The following PDZRN4 variants were observed in gnomAD, a reference collection of about 807,000 sequenced individuals.
PDZRN4 encodes the protein PDZ domain-containing RING finger protein 4.
Under a neutral mutation model 99.0 loss-of-function variants are expected in PDZRN4, and 70 were observed. That is an observed-to-expected ratio of 0.71 (90% CI 0.58 to 0.86). The LOEUF (loss-of-function observed/expected upper bound fraction) is 0.86, where lower values mean the gene tolerates loss of function less well. PDZRN4 is among the 40% of genes least tolerant of loss of function. The pLI is 0.00. For synonymous variants in PDZRN4, 551 were observed against 501.6 expected, an observed-to-expected ratio of 1.10 and a Z score of -1.32; for missense variants, 1,474 against 1,331.2, an observed-to-expected ratio of 1.11 and a Z score of -1.67.
intron 3 of PDZRN4, among the ~76,000 whole-genome samples, chr12:41,201,243 G>A (rs1429713043): frequency 6.8e-6 from 1 of 147,452 alleles, no homozygotes; most frequent in African/African-American, 2.5e-5. Context: ...GCTTTTATTT[G>A]TTGTTTTCTG....
At chr12:41,536,786 TTTC>T (rs905377051) in intron 5 of PDZRN4, among the ~76,000 whole-genome samples, 4 of 126,648 alleles carry the variant, frequency 3.2e-5, no homozygotes, top group East Asian at 2.1e-4. Flanking sequence ...CTTCTTGATT[TTTC>T]TTCTTCTTCA....
At chr12:41,440,310 A>G (rs1280854284) in intron 3 of PDZRN4, among the ~76,000 whole-genome samples, 1 of 152,150 alleles carries the variant, frequency 6.6e-6, no homozygotes, top group Non-Finnish European at 1.5e-5. Context: ...AGATATGAAA[A>G]TTTAAGATTA....
At chr12:41,406,750 C>T (rs781095125) in intron 3 of PDZRN4, among the ~76,000 whole-genome samples, 2 of 148,900 alleles carry the variant, frequency 1.3e-5, no homozygotes, top group East Asian at 4.1e-4. Flanking sequence ...CCCAGCTTCT[C>T]GGGAGGCTGA....
chr12:41,560,486 T>C (rs1592112887), intron 7 of PDZRN4, among the ~76,000 whole-genome samples: 1 of 152,182 alleles, frequency 6.6e-6, no homozygotes, highest in African/African-American at 2.4e-5. Context: ...GAAACTAACA[T>C]TTACATATGG....
intron 3 of PDZRN4, among the ~76,000 whole-genome samples, chr12:41,418,452 C>A (rs1952462305): frequency 6.6e-6 from 1 of 152,106 alleles, no homozygotes; most frequent in Non-Finnish European, 1.5e-5. Flanking sequence ...CCTACAGATA[C>A]CAACCTTAAA....
At chr12:41,477,049 G>A (rs1269306868) in intron 3 of PDZRN4, among the ~76,000 whole-genome samples, 2 of 152,176 alleles carry the variant, frequency 1.3e-5, no homozygotes, top group African/African-American at 2.4e-5. Context: ...ATAACCTCCC[G>A]CTGAAGCAGG....
At chr12:41,237,075 C>T (rs974779172) in intron 3 of PDZRN4, among the ~76,000 whole-genome samples, 5 of 152,030 alleles carry the variant, frequency 3.3e-5, no homozygotes, top group African/African-American at 1.2e-4. Flanking sequence ...ACAAAACTAA[C>T]TTGCATCACT....
intron 3 of PDZRN4, among the ~76,000 whole-genome samples, chr12:41,206,231 T>C (rs1317842852): frequency 1.3e-5 from 2 of 152,008 alleles, no homozygotes; most frequent in Admixed American, 6.6e-5. Flanking sequence ...AGAGGACATA[T>C]AAATGTTTAG....
At chr12:41,460,842 T>C (rs1952866148) in intron 3 of PDZRN4, among the ~76,000 whole-genome samples, 1 of 152,230 alleles carries the variant, frequency 6.6e-6, no homozygotes, top group African/African-American at 2.4e-5. Flanking sequence ...AATAAGTTCA[T>C]GGGAAATGTG....
At chr12:41,392,959 T>C (rs1269733336) in intron 3 of PDZRN4, among the ~76,000 whole-genome samples, 1 of 152,176 alleles carries the variant, frequency 6.6e-6, no homozygotes, top group East Asian at 1.9e-4. Flanking sequence ...TATTCAAATG[T>C]GTTATTCATT....
intron 2 of PDZRN4, among the ~76,000 whole-genome samples, chr12:41,192,496 A>G (rs892130398): frequency 2.6e-5 from 4 of 152,240 alleles, no homozygotes; most frequent in African/African-American, 9.6e-5. Flanking sequence ...CATTTTATCT[A>G]AATTTTATTG....
intron 3 of PDZRN4, among the ~76,000 whole-genome samples, chr12:41,227,399 T>C (rs138194815): frequency 2.6e-3 from 395 of 152,240 alleles, no homozygotes; most frequent in African/African-American, 9.2e-3. Context: ...GTGCAGTGGC[T>C]CACACCTGTA....
intron 5 of PDZRN4, among the ~76,000 whole-genome samples, chr12:41,528,107 A>G (rs186746364): frequency 6.6e-6 from 1 of 152,322 alleles, no homozygotes; most frequent in African/African-American, 2.4e-5. Context: ...AGTAGTGCCT[A>G]CTTCTAAAAT....
At chr12:41,542,020 A>G (rs1938866420) in intron 5 of PDZRN4, among the ~76,000 whole-genome samples, 1 of 152,226 alleles carries the variant, frequency 6.6e-6, no homozygotes, top group South Asian at 2.1e-4. Flanking sequence ...AAACATAGCC[A>G]ACTCAAGAGC....
intron 3 of PDZRN4, among the ~76,000 whole-genome samples, chr12:41,204,852 A>C (rs1950838072): frequency 6.6e-6 from 1 of 151,860 alleles, no homozygotes; most frequent in Non-Finnish European, 1.5e-5. Context: ...TTGACACTGG[A>C]GCTTTTTTCA....
At chr12:41,248,954 G>A (rs991718687) in intron 3 of PDZRN4, among the ~76,000 whole-genome samples, 1 of 152,000 alleles carries the variant, frequency 6.6e-6, no homozygotes, top group African/African-American at 2.4e-5. Flanking sequence ...TAGATTTCAT[G>A]GTTATTATAT....
intron 5 of PDZRN4, among the ~76,000 whole-genome samples, chr12:41,516,612 T>G (rs1938404697): frequency 6.6e-6 from 1 of 152,102 alleles, no homozygotes; most frequent in Admixed American, 6.6e-5. Flanking sequence ...AAGGAACATA[T>G]GCGTGTTTTA....
rs907255048 is a variant in PDZRN4 at position 41,306,908 on chromosome 12, T to C, written c.843+112720T>C. On this transcript the variant is annotated intron_variant, in intron 3 of 9. Coordinates refer to ENST00000402685, the MANE Select transcript of PDZRN4 (RefSeq NM_001164595.2). ...TCTGAGACCTCCTCAGAACAGCTTTTACCATTTACATTTCTACCAACATTC... is the reference window on the plus strand; with the variant it reads ...TCTGAGACCTCCTCAGAACAGCTTTCACCATTTACATTTCTACCAACATTC... Among the ~76,000 whole-genome samples, 7 of 152,328 alleles carry C rather than the reference T, an allele frequency of 4.6e-5. No homozygotes were observed. The South Asian group carries it at 1.0e-3, about 23-fold the overall frequency.
intron 3 of PDZRN4, among the ~76,000 whole-genome samples, chr12:41,319,247 G>T (rs889678169): frequency 1.8e-4 from 27 of 152,104 alleles, no homozygotes; most frequent in African/African-American, 6.5e-4. Context: ...ATGTTCTGTT[G>T]CTCCAGCTGC....
Sources: allele counts gnomAD v4.1 joint callset (sites outside exome capture counted in the v4.1 genomes callset), GRCh38; gene constraint gnomAD v4.1.1; transcripts MANE v1.5; gene names NCBI Gene and HGNC (gene_info 2026-07-23, HGNC 2026-07-21).